STK32B: variants seen among roughly 807,000 people sequenced by gnomAD.
STK32B encodes serine/threonine kinase 32B, also known as serine/threonine-protein kinase 32B.
In STK32B, 43 loss-of-function variants were observed where a neutral mutation model predicts 52.6. The observed-to-expected ratio is 0.82, with a 90% CI of 0.64 to 1.05. STK32B has a LOEUF of 1.05. Ranked by LOEUF, STK32B falls within the 50% of genes least tolerant of loss-of-function variation. The pLI is 0.00. For missense variants in STK32B, 621 were observed against 534.6 expected (o/e 1.16, Z -1.59); for synonymous variants, 238 against 204.3 (o/e 1.17, Z -1.41).
chr4:5,141,879 G>A (rs1401701119), intron 2 of STK32B, among the ~76,000 whole-genome samples: 1 of 152,102 alleles, frequency 6.6e-6, no homozygotes, highest in Non-Finnish European at 1.5e-5. Context: ...TGGTTTAGAG[G>A]TTGCCGAGTT....
At chr4:5,240,099 C>A (rs189280366) in intron 3 of STK32B, among the ~76,000 whole-genome samples, 1 of 150,386 alleles carries the variant, frequency 6.6e-6, no homozygotes, top group Admixed American at 6.6e-5. Flanking sequence ...ATATTTTCCT[C>A]TTTATCCTTG....
chr4:5,143,137 G>A (rs745952714), intron 2 of STK32B, among the ~76,000 whole-genome samples: 1,776 of 150,922 alleles, frequency 0.012, 27 homozygotes, highest in Non-Finnish European at 0.016. Context: ...CTGTCTATCT[G>A]TCTGTCTATC....
chr4:5,268,160 A>C (rs1727172730), intron 3 of STK32B, among the ~76,000 whole-genome samples: 1 of 152,136 alleles, frequency 6.6e-6, no homozygotes, highest in African/African-American at 2.4e-5. Context: ...AATGTAAAGA[A>C]AGTTTCACTT....
At chr4:5,323,725 G>A (rs183723463) in intron 3 of STK32B, among the ~76,000 whole-genome samples, 35 of 152,214 alleles carry the variant, frequency 2.3e-4, no homozygotes, top group South Asian at 6.2e-4. Context: ...TTTTCATTCC[G>A]GAGTGTGTGG....
At chr4:5,301,086 G>T (rs1308025929) in intron 3 of STK32B, among the ~76,000 whole-genome samples, 4 of 152,022 alleles carry the variant, frequency 2.6e-5, no homozygotes, top group East Asian at 1.9e-4. Context: ...ATTTTAGACT[G>T]ATTTTCGTAT....
intron 3 of STK32B, among the ~76,000 whole-genome samples, chr4:5,291,845 G>C (rs6847229): frequency 0.13 from 20,507 of 151,924 alleles, 2,766 homozygotes; most frequent in African/African-American, 0.35. Context: ...TTGAGGAAAC[G>C]CCTTTCTGTC....
chr4:5,387,781 G>T (rs1048326702), intron 4 of STK32B, among the ~76,000 whole-genome samples: 1 of 152,118 alleles, frequency 6.6e-6, no homozygotes, highest in Non-Finnish European at 1.5e-5. Context: ...GTTTTCTTTT[G>T]TTACCCAGGC....
At chr4:5,182,322 C>T (rs189419563) in intron 3 of STK32B, among the ~76,000 whole-genome samples, 82 of 152,094 alleles carry the variant, frequency 5.4e-4, no homozygotes, top group Non-Finnish European at 1.0e-3. Context: ...ATATTTTGAC[C>T]GCCCATGAAT....
intron 8 of STK32B, 134 bp from the exon 9 acceptor site, chr4:5,459,969 C>A: frequency 1.5e-6 from 2 of 1,341,856 alleles, no homozygotes; most frequent in South Asian, 1.3e-5. Flanking sequence ...CAACAGTGAC[C>A]CAGACGGGGC....
intron 4 of STK32B, among the ~76,000 whole-genome samples, chr4:5,351,117 T>C (rs1385157943): frequency 6.6e-6 from 1 of 151,956 alleles, no homozygotes; most frequent in Non-Finnish European, 1.5e-5. Flanking sequence ...GGTTTTATAC[T>C]CCACATAAGA....
At chr4:5,337,073 G>T (rs1394422943) in intron 4 of STK32B, among the ~76,000 whole-genome samples, 2 of 152,006 alleles carry the variant, frequency 1.3e-5, no homozygotes, top group Admixed American at 1.3e-4. Flanking sequence ...CAACCTTCTG[G>T]GCTCAAGTGA....
At chr4:5,480,090 C>A (rs186739473) in intron 11 of STK32B, among the ~76,000 whole-genome samples, 1 of 151,978 alleles carries the variant, frequency 6.6e-6, no homozygotes, top group Non-Finnish European at 1.5e-5. Flanking sequence ...CGGTGACAGT[C>A]AGCACTACCC....
chr4:5,455,455 G>C (rs1027594746), intron 7 of STK32B, among the ~76,000 whole-genome samples: 15 of 152,240 alleles, frequency 9.9e-5, no homozygotes, highest in Admixed American at 5.9e-4. Context: ...CCCTGGCGGG[G>C]TTTTCAGCAT....
intron 9 of STK32B, among the ~76,000 whole-genome samples, chr4:5,461,951 C>A (rs1201770196): frequency 6.6e-6 from 1 of 152,194 alleles, no homozygotes; most frequent in Non-Finnish European, 1.5e-5. Context: ...TGGGAACAGG[C>A]CATGGGGACA....
intron 1 of STK32B, among the ~76,000 whole-genome samples, chr4:5,080,055 T>TAGAGTTACA: frequency 6.6e-6 from 1 of 151,816 alleles, no homozygotes; most frequent in South Asian, 2.1e-4. Flanking sequence ...GCATGGTGAC[T>TAGAGTTACA]AGAGTTACTA....
chr4:5,124,393 C>T (rs566291948), intron 1 of STK32B, among the ~76,000 whole-genome samples: 5 of 152,280 alleles, frequency 3.3e-5, no homozygotes, highest in African/African-American at 9.6e-5. Context: ...TCTTGGCCCC[C>T]AGCCCATTGC....
intron 3 of STK32B, among the ~76,000 whole-genome samples, chr4:5,291,794 T>C (rs1398161872): frequency 6.6e-6 from 1 of 152,050 alleles, no homozygotes; most frequent in Admixed American, 6.6e-5. Context: ...TTTTTGTTTT[T>C]TGTTTGTTTG....
At chr4:5,420,125 C>G (rs1347814842) in intron 6 of STK32B, among the ~76,000 whole-genome samples, 1 of 152,058 alleles carries the variant, frequency 6.6e-6, no homozygotes, top group Non-Finnish European at 1.5e-5. Context: ...GGGTGACTTC[C>G]CCATGTTGAC....
At chr4:5,143,411 G>C (rs1468383093) in intron 2 of STK32B, among the ~76,000 whole-genome samples, 1 of 152,138 alleles carries the variant, frequency 6.6e-6, no homozygotes, top group Non-Finnish European at 1.5e-5. Context: ...ATCCTGGTGA[G>C]CCTCCCATGC....
Sources: allele counts gnomAD v4.1 joint callset (sites outside exome capture counted in the v4.1 genomes callset), GRCh38; gene constraint gnomAD v4.1.1; transcripts MANE v1.5; gene names NCBI Gene and HGNC (gene_info 2026-07-23, HGNC 2026-07-21).